GOT2: variants seen among roughly 807,000 people sequenced by gnomAD.
GOT2 encodes glutamic-oxaloacetic transaminase 2, also known as aspartate aminotransferase, mitochondrial.
In GOT2, 17 loss-of-function variants were observed where a neutral mutation model predicts 50.0. The ratio of observed to expected loss-of-function variants is 0.34; its 90% CI spans 0.23 to 0.51. The LOEUF (loss-of-function observed/expected upper bound fraction) is 0.51. Among genes scored for constraint, GOT2 ranks in the 20% least tolerant of loss-of-function variants. The pLI is 0.97. For synonymous variants in GOT2, 172 were observed against 204.9 expected (o/e 0.84, Z 1.37); for missense variants, 430 against 559.6 (o/e 0.77, Z 2.34).
chr16:58,711,728 C>A (rs1034825043), intron 8 of GOT2, among the ~76,000 whole-genome samples: 1 of 152,132 alleles, frequency 6.6e-6, no homozygotes, highest in African/African-American at 2.4e-5. Flanking sequence ...CCAGTTATGG[C>A]ATCTGATTTT....
In GOT2 at chr16:58,734,177, G is replaced by A; in HGVS notation, c.52C>T (p.His18Tyr). Residue 18 changes from histidine (H) to tyrosine (Y), a missense_variant, in exon 1 of 10, where the codon CAC becomes TAC. His to Tyr is a moderately conservative substitution (Grantham distance 83, BLOSUM62 2). Transcript: ENST00000245206. ...GAGGCCGCGGCGGCGAGGCCCGGGT[G>A]GAAGGCGGCGGCGATCCCGGGGAGG... is the stretch of plus-strand genomic sequence containing the variant. ...RVLPGIAAAF[H>Y]PGLAAAASAR... 7.5e-7 allele frequency: 1 copy of A among 1,334,590 alleles called. No homozygotes were observed. 82.7% of individuals were successfully genotyped at this position (1,334,590 alleles called of 1,614,324 possible).
chr16:58,734,255 G>C lies in GOT2; in HGVS notation c.-27C>G. On this transcript the variant is annotated 5_prime_UTR_variant, in exon 1 of 10. Coordinates refer to ENST00000245206, the MANE Select transcript of GOT2 (RefSeq NM_002080.4). ...GTGGACCGTAGGAGGGCAGTGGGCAGCCGCAGGACGGAGCAGAGGGCGAGC... is the reference window on the plus strand; with the variant it reads ...GTGGACCGTAGGAGGGCAGTGGGCACCCGCAGGACGGAGCAGAGGGCGAGC... 2 of 1,229,482 alleles carry C rather than the reference G, an allele frequency of 1.6e-6. No individual in the cohort carries two copies. The highest frequency in any genetic ancestry group is 1.0e-6 in the Non-Finnish European group (1 of 954,310). 76.2% of individuals were successfully genotyped at this position (1,229,482 alleles called of 1,614,324 possible).
chr16:58,715,953 TA>T, intron 8 of GOT2, 60 bp downstream of exon 8: 1 of 1,357,068 alleles, frequency 7.4e-7, no homozygotes, highest in Non-Finnish European at 1.0e-6. Flanking sequence ...AATTAAAAAC[TA>T]ACTTTGAAGG....
chr16:58,710,396 CT>C (rs774270272), intron 8 of GOT2, among the ~76,000 whole-genome samples: 128 of 138,720 alleles, frequency 9.2e-4, no homozygotes, highest in South Asian at 1.4e-3. Flanking sequence ...ATTTTCTTTT[CT>C]TTTTTTTTTT....
intron 3 of GOT2, among the ~76,000 whole-genome samples, chr16:58,719,906 T>C (rs2044727220): frequency 6.6e-6 from 1 of 151,706 alleles, no homozygotes; most frequent in Middle Eastern, 3.2e-3. Flanking sequence ...ATTACAACAT[T>C]TTAAAGGTTT....
At chr16:58,724,324 C>T (rs1015532894) in intron 1 of GOT2, among the ~76,000 whole-genome samples, 2 of 151,334 alleles carry the variant, frequency 1.3e-5, no homozygotes, top group African/African-American at 2.4e-5. Context: ...GCTCTGTCAC[C>T]CAGGCTGAAG....
intron 3 of GOT2, among the ~76,000 whole-genome samples, 197 bp from the exon 4 acceptor site, chr16:58,719,452 AAAAGATAT>A (rs1329313464): frequency 6.6e-6 from 1 of 152,218 alleles, no homozygotes; most frequent in Admixed American, 6.5e-5. Flanking sequence ...TGAATTATAT[AAAAGATAT>A]AAAAAGACAC....
Position 58,728,773 on chromosome 16 carries a change from C to T in GOT2, c.90-4871G>A, listed in dbSNP as rs571547072. Among the ~76,000 whole-genome samples, 6 of 152,234 alleles carry T rather than the reference C, an allele frequency of 3.9e-5. No homozygotes were observed. The South Asian group carries it at 6.2e-4, about 16-fold the overall frequency. The stretch of plus-strand genomic sequence containing the variant: ...TCAGCTCACTGCAAGCTCCACTTCA[C>T]GGGTTCAAGCGATTCTCCTGCCTCA... On this transcript the variant is annotated intron_variant, in intron 1 of 9. Coordinates refer to ENST00000245206, the MANE Select transcript of GOT2 (RefSeq NM_002080.4).
Position 58,714,108 on chromosome 16 carries a change from G to A in GOT2, c.1019+1906C>T, listed in dbSNP as rs142690325. The stretch of plus-strand genomic sequence containing the variant: ...TTTAATAGAGACACAGTCTTGCTAT[G>A]TTGCCCAGGCTGGTCTCCAACTCCT... On this transcript the variant is annotated intron_variant, in intron 8 of 9. Coordinates refer to ENST00000245206, the MANE Select transcript of GOT2 (RefSeq NM_002080.4). Among the ~76,000 whole-genome samples, 535 of 151,746 alleles carry A rather than the reference G, an allele frequency of 3.5e-3. 1 individual carries two copies. The highest frequency in any genetic ancestry group is 0.012 in the African/African-American group (504 of 41,372).
At chr16:58,734,044 T>A in intron 1 of GOT2, 96 bp downstream of exon 1, 1 of 545,988 alleles carries the variant, frequency 1.8e-6, no homozygotes, top group South Asian at 7.9e-5. Context: ...TGACAGTGTG[T>A]ATTTGGGGGC....
rs2044721962 is a variant in GOT2, at chr16:58,719,334, GGACC to G, written c.376-83_376-80del. On this transcript the variant is annotated intron_variant, in intron 3 of 9. Transcript: ENST00000245206. ...AGACCCAGGGCCACTGCTTTGTCCA[GGACC>G]TTTCATACTTCAGAAGCTCATTCTT... 25 of 927,392 alleles carry G rather than the reference GGACC, an allele frequency of 2.7e-5. 1 individual carries two copies. The highest frequency in any genetic ancestry group is 1.3e-4 in the South Asian group (10 of 74,804). The allele number at this position is 927,392 out of a possible 1,614,324, so 57.4% of individuals were successfully genotyped here.
chr16:58,721,108 T>C (rs560192553), intron 3 of GOT2, among the ~76,000 whole-genome samples: 20 of 152,258 alleles, frequency 1.3e-4, no homozygotes, highest in African/African-American at 4.3e-4. Flanking sequence ...GGGGTTGAGG[T>C]TGTGTGCTTT....
chr16:58,716,215 ACT>A, intron 7 of GOT2, 36 bp from the exon 8 acceptor site: 3 of 1,594,388 alleles, frequency 1.9e-6, no homozygotes, highest in Non-Finnish European at 2.6e-6. Context: ...TTCTACTTCT[ACT>A]ATCTAATGTG....
chr16:58,712,481 G>A (rs945293588), intron 8 of GOT2, among the ~76,000 whole-genome samples: 9 of 151,994 alleles, frequency 5.9e-5, no homozygotes, highest in Middle Eastern at 3.4e-3. Flanking sequence ...ACTGCACTCC[G>A]GCCTGGGCCA....
intron 9 of GOT2, chr16:58,709,170 G>C (rs1484550402): frequency 9.0e-6 from 3 of 333,960 alleles, no homozygotes; most frequent in Non-Finnish European, 1.7e-5. Context: ...GCTGAGGCAG[G>C]AGGATCACTT....
chr16:58,711,527 A>G (rs780855481), intron 8 of GOT2, among the ~76,000 whole-genome samples: 4 of 152,206 alleles, frequency 2.6e-5, no homozygotes, highest in Non-Finnish European at 4.4e-5. Flanking sequence ...CGGTTAGAAG[A>G]GAGATCACAA....
chr16:58,728,555 T>C (rs1298447591), intron 1 of GOT2, among the ~76,000 whole-genome samples: 1 of 152,224 alleles, frequency 6.6e-6, no homozygotes, highest in African/African-American at 2.4e-5. Context: ...CCGTAAGACC[T>C]TGTGACCAAA....
chr16:58,734,276 C>A lies in GOT2; in HGVS notation c.-48G>T. On this transcript the variant is annotated 5_prime_UTR_variant, in exon 1 of 10. Transcript: ENST00000245206. ...GGCAGCCGCAGGACGGAGCAGAGGG[C>A]GAGCGGACACACACACAGGGAACCG... is the stretch of plus-strand genomic sequence containing the variant. 2.0e-6 allele frequency: 2 copies of A among 1,024,698 alleles called. No homozygotes were observed. The highest frequency in any genetic ancestry group is 3.1e-5 in the East Asian group (1 of 32,622). 63.5% of individuals were successfully genotyped at this position (1,024,698 alleles called of 1,614,324 possible). A position where few individuals can be genotyped will look rare whatever the true frequency, so the allele number is the denominator to read the frequency against.
chr16:58,710,967 C>CAAAAAAAA (rs35679170), intron 8 of GOT2, among the ~76,000 whole-genome samples: 14 of 73,030 alleles, frequency 1.9e-4, no homozygotes, highest in East Asian at 4.7e-4. Context: ...GACTCTGTCT[C>CAAAAAAAA]AAAAAAAAAA....
Sources: gnomAD v4.1 joint callset for allele counts (sites outside exome capture counted in the v4.1 genomes callset) on GRCh38, gnomAD v4.1.1 for gene constraint, MANE v1.5 for transcripts, NCBI Gene and HGNC (gene_info 2026-07-23, HGNC 2026-07-21) for gene names.